HSD11B1: variants seen among roughly 807,000 people sequenced by gnomAD.
HSD11B1 encodes 11-beta-hydroxysteroid dehydrogenase 1.
A neutral mutation model predicts 22.1 loss-of-function variants in HSD11B1; 15 were observed. The observed-to-expected ratio is 0.68, with a 90% CI of 0.45 to 1.04. The LOEUF is 1.04. Ranked by LOEUF, HSD11B1 falls within the 50% of genes least tolerant of loss-of-function variation. HSD11B1 has a pLI of 0.00. For missense variants in HSD11B1, 281 were observed against 357.6 expected (o/e 0.79, Z 1.73); for synonymous variants, 122 against 125.2 (o/e 0.97, Z 0.17).
chr1:209,708,643 T>C (rs941130063), intron 4 of HSD11B1, among the ~76,000 whole-genome samples: 3 of 152,200 alleles, frequency 2.0e-5, no homozygotes, highest in Admixed American at 2.0e-4. Flanking sequence ...ACATCAGTCA[T>C]GATGTAGGTG....
chr1:209,734,340 T>G lies in HSD11B1; in HGVS notation c.698T>G (p.Met233Arg). Residue 233 changes from methionine to arginine, a missense_variant, in exon 6 of 6, where the codon ATG becomes AGG. Physicochemically the swap from Met to Arg is moderately conservative, Grantham distance 91 (BLOSUM62 -1). Coordinates refer to ENST00000367027, the MANE Select transcript of HSD11B1 (RefSeq NM_005525.4). ...AAGGCAGTTTCTGGGATAGTCCATA[T>G]GCAAGCAGCTCCAAAGGAGGAATGT... ...AMKAVSGIVH[M>R]QAAPKEECAL... The G allele has an allele frequency of 6.2e-7, 1 of 1,614,124 alleles. No individual in the cohort carries two copies. Among genetic ancestry groups the G allele is most frequent in the Non-Finnish European group, 8.5e-7 (1 of 1,180,008 alleles).
At chr1:209,721,073 C>T (rs987544662) in intron 4 of HSD11B1, among the ~76,000 whole-genome samples, 5 of 152,072 alleles carry the variant, frequency 3.3e-5, no homozygotes, top group Non-Finnish European at 5.9e-5. Context: ...CAAGGAATGC[C>T]GGCAGCCACT....
chr1:209,732,722 A>G (rs1571889678), intron 5 of HSD11B1, 143 bp downstream of exon 5: 9 of 710,182 alleles, frequency 1.3e-5, no homozygotes, highest in Non-Finnish European at 2.3e-5. Context: ...TACATTAGGT[A>G]TATCTCCTAA....
At chr1:209,690,097 C>T (rs1222414760) in intron 1 of HSD11B1, among the ~76,000 whole-genome samples, 1 of 152,194 alleles carries the variant, frequency 6.6e-6, no homozygotes, top group Non-Finnish European at 1.5e-5. Flanking sequence ...GGGAGGATCA[C>T]CTGAACCCAG....
At chr1:209,719,294 C>G (rs1010887288) in intron 4 of HSD11B1, among the ~76,000 whole-genome samples, 1 of 152,094 alleles carries the variant, frequency 6.6e-6, no homozygotes, top group Non-Finnish European at 1.5e-5. Flanking sequence ...AATAAGCCAG[C>G]CACAGAAAGA....
chr1:209,702,115 C>T (rs1164829155), upstream of HSD11B1, among the ~76,000 whole-genome samples: 1 of 152,194 alleles, frequency 6.6e-6, no homozygotes, highest in Non-Finnish European at 1.5e-5. Flanking sequence ...TCAGGGAATA[C>T]TTGACTTGAA....
chr1:209,699,684 T>C (rs1480702343), intron 1 of HSD11B1, among the ~76,000 whole-genome samples: 1 of 152,182 alleles, frequency 6.6e-6, no homozygotes, highest in Non-Finnish European at 1.5e-5. Context: ...TTTTAACTCA[T>C]TTCAGCATTA....
intron 4 of HSD11B1, among the ~76,000 whole-genome samples, chr1:209,714,306 G>A (rs79092794): frequency 0.01 from 1,531 of 152,258 alleles, 11 homozygotes; most frequent in Non-Finnish European, 0.016. Flanking sequence ...TTATTTCTTG[G>A]TATACAAAAT....
At chr1:209,692,608 G>GGGGGT (rs759595141) in intron 1 of HSD11B1, among the ~76,000 whole-genome samples, 4,035 of 10,926 alleles carry the variant, frequency 0.37, 480 homozygotes, top group Non-Finnish European at 0.46. Flanking sequence ...TTAAAATGGC[G>GGGGGT]GGGGGGGGGG....
chr1:209,706,061 C>T lies in HSD11B1; in HGVS notation c.219+120C>T. The T allele has an allele frequency of 7.7e-7, 1 of 1,291,766 alleles. No homozygotes were observed. The highest frequency in any genetic ancestry group is 1.2e-5 in the South Asian group (1 of 81,842). 80.0% of individuals were successfully genotyped at this position (1,291,766 alleles called of 1,614,324 possible). On this transcript the variant is annotated intron_variant, in intron 2 of 5. Coordinates refer to ENST00000367027, the MANE Select transcript of HSD11B1 (RefSeq NM_005525.4). This position sits in a 1 kb window ranked among gnomAD's most constrained non-coding sequence, Gnocchi z 4.0. Reference sequence around the variant, plus strand: ...ATCTATATACAGAGGCACATGCACACACACAGACACTTAATTTTGCACTCT... The same window carrying T: ...ATCTATATACAGAGGCACATGCACATACACAGACACTTAATTTTGCACTCT...
chr1:209,701,159 T>C (rs2076824420), upstream of HSD11B1, among the ~76,000 whole-genome samples: 1 of 152,144 alleles, frequency 6.6e-6, no homozygotes, highest in Non-Finnish European at 1.5e-5. Context: ...CAATTTACCG[T>C]ATTAGTTCAT....
intron 4 of HSD11B1, among the ~76,000 whole-genome samples, chr1:209,712,498 G>A (rs1335515563): frequency 2.0e-5 from 3 of 152,178 alleles, no homozygotes; most frequent in Admixed American, 6.5e-5. Flanking sequence ...AAAGTACACA[G>A]GAGGATGTGC....
At chr1:209,698,833 C>T (rs1435781254) in intron 1 of HSD11B1, among the ~76,000 whole-genome samples, 5 of 152,314 alleles carry the variant, frequency 3.3e-5, no homozygotes, top group African/African-American at 4.8e-5. Context: ...CTCGTGACCT[C>T]GTGAGGGTCT....
intron 4 of HSD11B1, chr1:209,724,210 T>C (rs947657760): frequency 2.0e-5 from 3 of 152,264 alleles, no homozygotes; most frequent in Admixed American, 6.5e-5. Flanking sequence ...CCCATAGCCA[T>C]GGCCTCTCAG....
intron 4 of HSD11B1, among the ~76,000 whole-genome samples, chr1:209,717,808 G>T (rs1244139878): frequency 6.9e-6 from 1 of 145,902 alleles, no homozygotes; most frequent in African/African-American, 2.6e-5. Context: ...GGAGGCAGAG[G>T]TTGCAGTGAG....
At chr1:209,688,994 A>G (rs2076743764) in intron 1 of HSD11B1, among the ~76,000 whole-genome samples, 2 of 152,216 alleles carry the variant, frequency 1.3e-5, no homozygotes, top group African/African-American at 4.8e-5. Context: ...GGGGGTAAAC[A>G]TAGCAGAAGA....
At chr1:209,704,249 T>C (rs529786168), upstream of HSD11B1, among the ~76,000 whole-genome samples, 6 of 152,338 alleles carry the variant, frequency 3.9e-5, no homozygotes, top group African/African-American at 9.6e-5. Context: ...CTTAGAGTCT[T>C]GAACCAGTCT....
At chr1:209,726,614 T>A (rs937318381) in intron 4 of HSD11B1, among the ~76,000 whole-genome samples, 2 of 152,162 alleles carry the variant, frequency 1.3e-5, no homozygotes, top group African/African-American at 2.4e-5. Flanking sequence ...AAAACTTTTT[T>A]AAACCATACA....
chr1:209,711,706 A>G (rs2076897016), intron 4 of HSD11B1, among the ~76,000 whole-genome samples: 1 of 152,170 alleles, frequency 6.6e-6, no homozygotes, highest in African/African-American at 2.4e-5. Flanking sequence ...CTGGGCATAA[A>G]AATTCCAGAA....
Sources: allele counts gnomAD v4.1 joint callset (sites outside exome capture counted in the v4.1 genomes callset), GRCh38; gene constraint gnomAD v4.1.1; non-coding constraint Gnocchi (gnomAD v3.1); transcripts MANE v1.5; gene names NCBI Gene and HGNC (gene_info 2026-07-23, HGNC 2026-07-21).